DPP10: variants seen among roughly 807,000 people sequenced by gnomAD.
DPP10 encodes dipeptidyl peptidase like 10, also known as inactive dipeptidyl peptidase 10.
Under a neutral mutation model 120.9 loss-of-function variants are expected in DPP10, and 33 were observed. That is an observed-to-expected ratio of 0.27 (90% CI 0.21 to 0.37). The LOEUF is 0.37. Among genes scored for constraint, DPP10 ranks in the 10% least tolerant of loss-of-function variants. DPP10 has a pLI of 1.00. For missense variants in DPP10, 816 were observed against 942.8 expected (o/e 0.87, Z 1.76); for synonymous variants, 337 against 326.1 (o/e 1.03, Z -0.36).
chr2:114,944,657 C>T (rs116412950), intron 1 of DPP10, among the ~76,000 whole-genome samples: 2,687 of 152,220 alleles, frequency 0.018, 31 homozygotes, highest in Non-Finnish European at 0.028. Context: ...AACCATATAA[C>T]GTAACAATGA....
At chr2:114,594,037 G>A (rs1489342171) in intron 1 of DPP10, among the ~76,000 whole-genome samples, 1 of 152,116 alleles carries the variant, frequency 6.6e-6, no homozygotes, top group Non-Finnish European at 1.5e-5. Context: ...ACAAAGTATT[G>A]ATCCTGGGTG....
intron 19 of DPP10, among the ~76,000 whole-genome samples, chr2:115,795,538 T>C (rs1684441239): frequency 6.6e-6 from 1 of 152,162 alleles, no homozygotes; most frequent in Non-Finnish European, 1.5e-5. Context: ...GATCAGGTCA[T>C]TCTAACCGGA....
At chr2:115,624,773 G>A (rs2149294619) in intron 5 of DPP10, among the ~76,000 whole-genome samples, 1 of 152,262 alleles carries the variant, frequency 6.6e-6, no homozygotes, top group Non-Finnish European at 1.5e-5. Flanking sequence ...CTTTTTAAAT[G>A]AAAATACTAA....
At chr2:115,142,493 A>T (rs1480578614) in intron 1 of DPP10, among the ~76,000 whole-genome samples, 1 of 152,174 alleles carries the variant, frequency 6.6e-6, no homozygotes, top group Admixed American at 6.5e-5. Context: ...GTCTAAATAG[A>T]GGCAGACCAA....
At chr2:115,372,607 C>A (rs1261489919) in intron 3 of DPP10, among the ~76,000 whole-genome samples, 1 of 152,232 alleles carries the variant, frequency 6.6e-6, no homozygotes, top group South Asian at 2.1e-4. Context: ...ACCCAGGCAC[C>A]CTTACTTGCG....
chr2:114,833,265 A>C (rs1227429450), intron 1 of DPP10: 1 of 132,568 alleles, frequency 7.5e-6, no homozygotes, highest in Non-Finnish European at 1.6e-5. Context: ...TTATACAGCC[A>C]ATATGAGTTA....
intron 7 of DPP10, among the ~76,000 whole-genome samples, chr2:115,709,927 G>A (rs1176205892): frequency 6.6e-6 from 1 of 151,962 alleles, no homozygotes; most frequent in African/African-American, 2.4e-5. Flanking sequence ...CATATTCAAG[G>A]TGCTCAGTGA....
At chr2:114,735,890 C>T (rs1435618433) in intron 1 of DPP10, among the ~76,000 whole-genome samples, 1 of 151,944 alleles carries the variant, frequency 6.6e-6, no homozygotes, top group Non-Finnish European at 1.5e-5. Context: ...TTCAACCCTC[C>T]CCCTACGCAG....
At chr2:115,397,056 A>T (rs1358558521) in intron 3 of DPP10, among the ~76,000 whole-genome samples, 1 of 152,210 alleles carries the variant, frequency 6.6e-6, no homozygotes. Flanking sequence ...TGATGTGAAC[A>T]TTGACAGAAA....
At chr2:115,705,940 C>G (rs1230882517) in intron 7 of DPP10, among the ~76,000 whole-genome samples, 1 of 151,340 alleles carries the variant, frequency 6.6e-6, no homozygotes. Flanking sequence ...AATATTTGGG[C>G]CAGAAATAGT....
At chr2:114,606,831 A>G (rs965497728) in intron 1 of DPP10, among the ~76,000 whole-genome samples, 3 of 152,202 alleles carry the variant, frequency 2.0e-5, no homozygotes, top group Admixed American at 1.3e-4. Flanking sequence ...ATTGGGAAGG[A>G]CACAAAGTGT....
rs146598373 is a variant in DPP10 at position 114,824,493 on chromosome 2, C to A, written c.60+381655C>A. ...GGCAAAGAAATAAATACATGACTCC[C>A]CTGAGTGACATTTAGACAAAAGGTG... On this transcript the variant is annotated intron_variant, in intron 1 of 25. Coordinates refer to ENST00000410059, the MANE Select transcript of DPP10 (RefSeq NM_020868.6). Among the ~76,000 whole-genome samples, 676 of 152,282 alleles carry A rather than the reference C, an allele frequency of 4.4e-3. 7 individuals carry two copies. Among genetic ancestry groups the A allele is most frequent in the Middle Eastern group, 0.017 (5 of 294 alleles).
At chr2:114,497,256 CGTGTGT>C (rs1558813803) in intron 1 of DPP10, among the ~76,000 whole-genome samples, 8 of 67,584 alleles carry the variant, frequency 1.2e-4, no homozygotes, top group Admixed American at 9.1e-4. Context: ...TATGCATGTA[CGTGTGT>C]ATACATGTAC....
chr2:114,557,063 T>G (rs896106720), intron 1 of DPP10, among the ~76,000 whole-genome samples: 1 of 151,500 alleles, frequency 6.6e-6, no homozygotes, highest in African/African-American at 2.4e-5. Flanking sequence ...ATTTGTTGGA[T>G]CTCTAGTTGG....
intron 1 of DPP10, among the ~76,000 whole-genome samples, chr2:115,027,377 A>G (rs1703539404): frequency 1.3e-5 from 2 of 152,102 alleles, no homozygotes; most frequent in East Asian, 1.9e-4. Context: ...TTGTGTTGAA[A>G]AAAAGTGAAA....
chr2:114,645,824 A>G (rs1292741048), intron 1 of DPP10, among the ~76,000 whole-genome samples: 1 of 152,180 alleles, frequency 6.6e-6, no homozygotes, highest in East Asian at 1.9e-4. Flanking sequence ...AAATCAAATT[A>G]TCTTCTTGAC....
intron 1 of DPP10, among the ~76,000 whole-genome samples, chr2:114,647,192 G>A (rs1696206131): frequency 6.6e-6 from 1 of 152,178 alleles, no homozygotes; most frequent in South Asian, 2.1e-4. Flanking sequence ...GTAAGTTTAT[G>A]GGATGGCTCC....
intron 1 of DPP10, among the ~76,000 whole-genome samples, chr2:114,750,736 T>A (rs980924627): frequency 2.7e-5 from 4 of 150,176 alleles, no homozygotes; most frequent in African/African-American, 7.4e-5. Context: ...TAGTCCATGC[T>A]GGCTGGCTGG....
chr2:114,917,564 A>G (rs563223219), intron 1 of DPP10, among the ~76,000 whole-genome samples: 16 of 152,304 alleles, frequency 1.1e-4, no homozygotes, highest in African/African-American at 3.6e-4. Flanking sequence ...ACTATACTAC[A>G]AGGCTACAGT....
Sources: gnomAD v4.1 joint callset for allele counts (sites outside exome capture counted in the v4.1 genomes callset) on GRCh38, gnomAD v4.1.1 for gene constraint, MANE v1.5 for transcripts, NCBI Gene and HGNC (gene_info 2026-07-23, HGNC 2026-07-21) for gene names.